ARHGAP32: variants seen among roughly 807,000 people sequenced by gnomAD.
The protein encoded by ARHGAP32 is Rho GTPase activating protein 32.
A neutral mutation model predicts 186.5 loss-of-function variants in ARHGAP32; 51 were observed. The ratio of observed to expected loss-of-function variants is 0.27; its 90% CI spans 0.22 to 0.35. The LOEUF is 0.35. ARHGAP32 is among the 10% of genes least tolerant of loss of function. The pLI, the probability that ARHGAP32 is intolerant of heterozygous loss-of-function variation, is 1.00. For synonymous variants in ARHGAP32, 950 were observed against 964.3 expected (o/e 0.99, Z 0.27); for missense variants, 2,186 against 2,623.5 (o/e 0.83, Z 3.64).
intron 22 of ARHGAP32, 36 bp downstream of exon 22, chr11:128,972,417 G>A (rs753407549): frequency 1.3e-6 from 2 of 1,502,870 alleles, no homozygotes; most frequent in South Asian, 1.4e-5. Flanking sequence ...TTTGGTAATA[G>A]TATATTTCAT....
intron 2 of ARHGAP32, among the ~76,000 whole-genome samples, chr11:129,129,675 A>AAT (rs967703346): frequency 2.6e-4 from 40 of 151,958 alleles, no homozygotes; most frequent in African/African-American, 7.7e-4. Flanking sequence ...AGACTCCAAA[A>AAT]ATATATATAT....
chr11:129,127,988 G>A (rs562558222), intron 2 of ARHGAP32, among the ~76,000 whole-genome samples: 5 of 152,118 alleles, frequency 3.3e-5, no homozygotes, highest in South Asian at 2.1e-4. Context: ...TGGAAAATTA[G>A]ACAAAAACAT....
chr11:129,220,332 C>G (rs1944696950), intron 1 of ARHGAP32, among the ~76,000 whole-genome samples: 1 of 152,054 alleles, frequency 6.6e-6, no homozygotes, highest in Non-Finnish European at 1.5e-5. Context: ...CGGCACAGAA[C>G]TAAGAATTTT....
At chr11:129,091,510 T>C (rs568552934) in intron 6 of ARHGAP32, among the ~76,000 whole-genome samples, 4 of 152,224 alleles carry the variant, frequency 2.6e-5, no homozygotes, top group East Asian at 1.9e-4. Flanking sequence ...GTCACTTTTA[T>C]AAGCTAACAG....
At chr11:129,248,105 G>A (rs991068884) in intron 1 of ARHGAP32, among the ~76,000 whole-genome samples, 2 of 151,232 alleles carry the variant, frequency 1.3e-5, no homozygotes, top group Non-Finnish European at 2.9e-5. Flanking sequence ...GAGGTCAGGA[G>A]ATCGAGACCA....
At chr11:129,193,072 T>C (rs948143157), upstream of ARHGAP32, among the ~76,000 whole-genome samples, 1 of 152,076 alleles carries the variant, frequency 6.6e-6, no homozygotes, top group Non-Finnish European at 1.5e-5. Context: ...TGGCTATTTG[T>C]CTTTTACCAA....
rs746928783 is a variant in ARHGAP32, at chr11:128,971,166, A to C, written c.4054-7T>G. On this transcript the variant is annotated splice_region_variant and splice_polypyrimidine_tract_variant and intron_variant, in intron 22 of 22. Transcript: ENST00000682385. Reference sequence around the variant, plus strand: ...CTGGAACTACTCCTTGAACCTATTGAAAGATGATAATACTATGGGTCTATT... The same window carrying C: ...CTGGAACTACTCCTTGAACCTATTGCAAGATGATAATACTATGGGTCTATT... 1 of 1,599,218 alleles carries C rather than the reference A, an allele frequency of 6.3e-7. No homozygotes were observed. The highest frequency in any genetic ancestry group is 8.6e-7 in the Non-Finnish European group (1 of 1,169,336).
chr11:129,231,749 AG>A (rs1591708510), intron 1 of ARHGAP32, among the ~76,000 whole-genome samples: 1 of 152,064 alleles, frequency 6.6e-6, no homozygotes, highest in Admixed American at 6.6e-5. Context: ...GCCTTTCTTA[AG>A]ACTGCCTCTC....
chr11:129,274,328 C>T (rs745331394), intron 1 of ARHGAP32, among the ~76,000 whole-genome samples: 1 of 152,316 alleles, frequency 6.6e-6, no homozygotes, highest in South Asian at 2.1e-4. Flanking sequence ...TGTCGCATCT[C>T]ATCTTCTTTA....
At chr11:129,226,828 G>A (rs1944790719) in intron 1 of ARHGAP32, among the ~76,000 whole-genome samples, 1 of 152,000 alleles carries the variant, frequency 6.6e-6, no homozygotes, top group South Asian at 2.1e-4. Flanking sequence ...GAGACTAAGA[G>A]AATTTGTAGT....
chr11:128,966,037 A>T lies in ARHGAP32; in HGVS notation c.*2870T>A, dbSNP rs1018765799. The stretch of plus-strand genomic sequence containing the variant: ...TGAAACGAAATTGAATATAGTAAGA[A>T]ATAAGGCTCCAATGAAATTTATTAA... On this transcript the variant is annotated 3_prime_UTR_variant, in exon 23 of 23. Coordinates refer to ENST00000682385, the MANE Select transcript of ARHGAP32 (RefSeq NM_001378024.1). 1 of 152,240 alleles carries T rather than the reference A, an allele frequency of 6.6e-6. No homozygotes were observed. The highest frequency in any genetic ancestry group is 1.5e-5 in the Non-Finnish European group (1 of 68,042). The allele number at this position is 152,240 out of a possible 1,614,324, so 9.4% of individuals were successfully genotyped here. A position where few individuals can be genotyped will look rare whatever the true frequency, so the allele number is the denominator to read the frequency against.
chr11:128,985,856 GTGTATATA>G (rs1221914872), intron 15 of ARHGAP32, 139 bp downstream of exon 15: 202 of 111,140 alleles, frequency 1.8e-3, no homozygotes, highest in African/African-American at 7.2e-3. Context: ...GTGTGTGTGT[GTGTATATA>G]TATATATATA....
chr11:128,970,645 G>A lies in ARHGAP32; in HGVS notation c.4568C>T (p.Pro1523Leu), dbSNP rs1277524227. Residue 1523 changes from proline to leucine, a missense_variant, in exon 23 of 23, where the codon CCC becomes CTC. Physicochemically the swap from Pro to Leu is moderately conservative, Grantham distance 98. Around this residue, in one of 5 missense-constraint regions of ARHGAP32, gnomAD observed 1,502 missense variants for 1,570.0 expected, o/e 0.96. Transcript: ENST00000682385. The surrounding 1 kb of genome is among the most constrained non-coding windows in gnomAD (Gnocchi z 5.8). ...GTGCTGCTCCAATTTATTGTGATGG[G>A]GAGGTACACTCTGGGGACGGTACTG... is the stretch of plus-strand genomic sequence containing the variant. Reference protein sequence around the residue: ...NCQYRPQSVPPHHNKLEQHQV... With the variant: ...NCQYRPQSVPLHHNKLEQHQV... 2 of 1,614,068 alleles carry A rather than the reference G, an allele frequency of 1.2e-6. No individual in the cohort carries two copies. Among genetic ancestry groups the A allele is most frequent in the East Asian group, 4.5e-5 (2 of 44,888 alleles).
Position 129,179,790 on chromosome 11 carries a change from G to A in ARHGAP32, c.116+12293C>T, listed in dbSNP as rs1048948886. ...AGGGGAACATCACACTCTGGGGACT[G>A]TTGTGGGGTGGGGGGACGGGGGAGG... On this transcript the variant is annotated intron_variant, in intron 1 of 22. Coordinates refer to ENST00000682385, the MANE Select transcript of ARHGAP32 (RefSeq NM_001378024.1). 1.0e-4 allele frequency among the ~76,000 whole-genome samples: 15 copies of A among 149,484 alleles called. 1 individual carries two copies. The highest frequency in any genetic ancestry group is 8.1e-4 in the Admixed American group (12 of 14,876).
At chr11:129,159,254 G>C (rs192798864) in intron 2 of ARHGAP32, among the ~76,000 whole-genome samples, 2 of 152,166 alleles carry the variant, frequency 1.3e-5, no homozygotes, top group Admixed American at 6.6e-5. Flanking sequence ...AAAAATCAGT[G>C]AATCCAGGAG....
At chr11:129,090,896 A>T (rs1941558082) in intron 6 of ARHGAP32, among the ~76,000 whole-genome samples, 1 of 152,116 alleles carries the variant, frequency 6.6e-6, no homozygotes, top group African/African-American at 2.4e-5. Flanking sequence ...AGATTACTAG[A>T]ATTTTTATTA....
intron 19 of ARHGAP32, among the ~76,000 whole-genome samples, chr11:128,977,370 C>T (rs553306939): frequency 8.5e-5 from 13 of 152,288 alleles, no homozygotes; most frequent in African/African-American, 3.1e-4. Flanking sequence ...TAACCCCCTC[C>T]TCCCCTGCTG....
At chr11:129,221,906 CT>C (rs1466371650) in intron 1 of ARHGAP32, among the ~76,000 whole-genome samples, 1 of 152,102 alleles carries the variant, frequency 6.6e-6, no homozygotes, top group Non-Finnish European at 1.5e-5. Flanking sequence ...CAGTATGTTA[CT>C]TGTGGACACT....
chr11:128,995,981 T>C (rs1020985698), intron 12 of ARHGAP32, among the ~76,000 whole-genome samples: 1 of 152,218 alleles, frequency 6.6e-6, no homozygotes, highest in Non-Finnish European at 1.5e-5. Flanking sequence ...AGGAACACTA[T>C]AAAGTGTCTT....
Sources: gnomAD v4.1 joint callset for allele counts (sites outside exome capture counted in the v4.1 genomes callset) on GRCh38, gnomAD v4.1.1 for gene constraint, gnomAD v4.1.1 regional missense constraint, Gnocchi (gnomAD v3.1) non-coding constraint, MANE v1.5 for transcripts, NCBI Gene and HGNC (gene_info 2026-07-23, HGNC 2026-07-21) for gene names.